The following GALNT9 variants were observed in gnomAD, a reference collection of about 807,000 sequenced individuals.
The protein encoded by GALNT9 is polypeptide N-acetylgalactosaminyltransferase 9.
A neutral mutation model predicts 63.1 loss-of-function variants in GALNT9; 47 were observed. The ratio of observed to expected loss-of-function variants is 0.75; its 90% CI spans 0.59 to 0.95. GALNT9 has a LOEUF of 0.95. GALNT9 is among the 40% of genes least tolerant of loss of function. The probability of loss-of-function intolerance (pLI) is 0.00; values close to 1 mark genes in which losing one functional copy is unlikely to be tolerated. For synonymous variants in GALNT9, 396 were observed against 365.7 expected (o/e 1.08, Z -0.94); for missense variants, 829 against 874.8 (o/e 0.95, Z 0.66).
At position 132,315,586 on chromosome 12, in the gene GALNT9, C is replaced by T. The variant is rs1258473379; in HGVS notation, c.238+13380G>A. Among the ~76,000 whole-genome samples the T allele has an allele frequency of 1.3e-5, 2 of 152,228 alleles. No homozygotes were observed. The highest frequency in any genetic ancestry group is 2.4e-5 in the African/African-American group (1 of 41,458). On this transcript the variant is annotated intron_variant, in intron 1 of 10. Transcript: ENST00000328957. This position sits in a 1 kb window ranked among gnomAD's most constrained non-coding sequence, Gnocchi z 6.1. ...TGTGGAAAGTAAAAATAGCCCCTTT[C>T]TGCCGTGGGATGTGGGCGAGGTTGC...
chr12:132,220,278 G>A (rs1877400057), intron 6 of GALNT9, among the ~76,000 whole-genome samples: 2 of 152,162 alleles, frequency 1.3e-5, no homozygotes, highest in Admixed American at 1.3e-4. Flanking sequence ...CAAAGCACCT[G>A]AGGAAATCCA....
intron 1 of GALNT9, among the ~76,000 whole-genome samples, chr12:132,314,858 T>G (rs1362099213): frequency 1.3e-5 from 2 of 152,210 alleles, no homozygotes; most frequent in Non-Finnish European, 2.9e-5. Context: ...CTAGCTTCCG[T>G]GCAGTGGAGT....
At position 132,315,676 on chromosome 12, in the gene GALNT9, G is replaced by A. The variant is rs781829848; in HGVS notation, c.238+13290C>T. 3.9e-5 allele frequency among the ~76,000 whole-genome samples: 6 copies of A among 152,188 alleles called. No individual in the cohort carries two copies. The highest frequency in any genetic ancestry group is 2.4e-5 in the African/African-American group (1 of 41,432). On this transcript the variant is annotated intron_variant, in intron 1 of 10. Coordinates refer to ENST00000328957, the MANE Select transcript of GALNT9 (RefSeq NM_001122636.2). This position sits in a 1 kb window ranked among gnomAD's most constrained non-coding sequence, Gnocchi z 6.1. ...CAGTCTCTGTGAAGGCCACCAGTTC[G>A]GATCCCAGTTCTGCCATTACCAGGC...
At chr12:132,259,978 G>A (rs983422331) in intron 4 of GALNT9, among the ~76,000 whole-genome samples, 2,332 of 134,596 alleles carry the variant, frequency 0.017, 133 homozygotes, top group African/African-American at 0.053. Context: ...CATTGTGGGC[G>A]CGGGGCCTGC....
intron 6 of GALNT9, among the ~76,000 whole-genome samples, chr12:132,239,300 A>G (rs1878123932): frequency 7.8e-6 from 1 of 128,372 alleles, no homozygotes; most frequent in African/African-American, 3.5e-5. Flanking sequence ...AGAGACAGAG[A>G]GAGACACACA....
rs782691774 is a variant in GALNT9 at position 132,286,619 on chromosome 12, G to A, written c.239-189C>T. Reference sequence around the variant, plus strand: ...TGCAAGGCTGTGCGCGGAGTGAGAGGGCGGTGCCAGGCGGAAGAGGGAGGG... The same window carrying A: ...TGCAAGGCTGTGCGCGGAGTGAGAGAGCGGTGCCAGGCGGAAGAGGGAGGG... On this transcript the variant is annotated intron_variant, in intron 1 of 10. Coordinates refer to ENST00000328957, the MANE Select transcript of GALNT9 (RefSeq NM_001122636.2). The surrounding 1 kb of genome is among the most constrained non-coding windows in gnomAD (Gnocchi z 7.4). The A allele has an allele frequency of 2.6e-5, 26 of 993,056 alleles. No individual in the cohort carries two copies. In the Middle Eastern group the frequency reaches 1.6e-3, roughly 63 times the overall value. 61.5% of individuals were successfully genotyped at this position (993,056 alleles called of 1,614,324 possible).
chr12:132,322,852 G>C (rs1213238460), intron 1 of GALNT9, among the ~76,000 whole-genome samples: 1 of 152,246 alleles, frequency 6.6e-6, no homozygotes, highest in Non-Finnish European at 1.5e-5. Context: ...GTGAATGGCA[G>C]CTAGAGGGGG....
At chr12:132,290,510 G>C (rs1308357047) in intron 1 of GALNT9, among the ~76,000 whole-genome samples, 2 of 152,132 alleles carry the variant, frequency 1.3e-5, no homozygotes, top group Non-Finnish European at 2.9e-5. Flanking sequence ...AGCAGAGGCA[G>C]AAACAGCCAC....
chr12:132,250,919 C>G (rs894984469), intron 5 of GALNT9, among the ~76,000 whole-genome samples: 2 of 152,218 alleles, frequency 1.3e-5, no homozygotes, highest in South Asian at 2.1e-4. Context: ...CGCCTGCACA[C>G]GTGCACAGGG....
At chr12:132,257,500 GCCCTCA>G in intron 5 of GALNT9, among the ~76,000 whole-genome samples, 183 bp downstream of exon 5, 9 of 18,692 alleles carry the variant, frequency 4.8e-4, no homozygotes, top group Non-Finnish European at 1.3e-3. Context: ...TCGTCCTCAT[GCCCTCA>G]TCCCCACGCC....
intron 6 of GALNT9, among the ~76,000 whole-genome samples, chr12:132,226,086 C>T (rs1285562637): frequency 2.1e-5 from 3 of 145,278 alleles, no homozygotes; most frequent in African/African-American, 7.7e-5. Context: ...CACACGCATA[C>T]ACCCCAAATA....
intron 6 of GALNT9, chr12:132,205,534 C>T (rs943253988): frequency 2.0e-5 from 3 of 152,346 alleles, no homozygotes; most frequent in African/African-American, 7.2e-5. Flanking sequence ...CGGGGACACC[C>T]CCGCCCCACA....
At chr12:132,203,132 C>T (rs537422325) in intron 7 of GALNT9, among the ~76,000 whole-genome samples, 3 of 152,270 alleles carry the variant, frequency 2.0e-5, no homozygotes, top group East Asian at 1.9e-4. Context: ...GGGAGGGGTC[C>T]GCACTGGCTG....
Position 132,229,256 on chromosome 12 carries a change from G to A in GALNT9, c.1077+18654C>T, listed in dbSNP as rs979404844. Among the ~76,000 whole-genome samples, 676 of 152,280 alleles carry A rather than the reference G, an allele frequency of 4.4e-3. 17 individuals are homozygous for A. In the East Asian group the frequency reaches 0.066, roughly 15 times the overall value. ...TTCTCCCCACTTAGGCCTCTCCACC[G>A]CAGGTGGAGCCCACGCCCCATCTCG... On this transcript the variant is annotated intron_variant, in intron 6 of 10. Coordinates refer to ENST00000328957, the MANE Select transcript of GALNT9 (RefSeq NM_001122636.2).
At chr12:132,228,200 CCTCCA>C (rs1877766530) in intron 6 of GALNT9, among the ~76,000 whole-genome samples, 1 of 152,022 alleles carries the variant, frequency 6.6e-6, no homozygotes, top group South Asian at 2.1e-4. Context: ...CTCCCTCTGC[CCTCCA>C]CTCATGCAGA....
At chr12:132,248,172 G>C in intron 5 of GALNT9, 145 bp from the exon 6 acceptor site, 1 of 1,291,016 alleles carries the variant, frequency 7.7e-7, no homozygotes, top group African/African-American at 1.5e-5. Flanking sequence ...CTGTGCTCAA[G>C]GTGAGGGGCC....
rs549122487 is a variant in GALNT9, at chr12:132,205,042, C to T, written c.1078-1352G>A. 7.2e-5 allele frequency among the ~76,000 whole-genome samples: 11 copies of T among 152,290 alleles called. No homozygotes were observed. In the East Asian group the frequency reaches 1.7e-3, roughly 24 times the overall value. Reference sequence around the variant, plus strand: ...CCGAGGGTGGTGCCAACTGCAGGGGCGCACGGGGTGGAGCCTCTGCCCAGC... The same window carrying T: ...CCGAGGGTGGTGCCAACTGCAGGGGTGCACGGGGTGGAGCCTCTGCCCAGC... On this transcript the variant is annotated intron_variant, in intron 6 of 10. Coordinates refer to ENST00000328957, the MANE Select transcript of GALNT9 (RefSeq NM_001122636.2).
At chr12:132,298,065 A>G (rs1881139805) in intron 1 of GALNT9, among the ~76,000 whole-genome samples, 1 of 151,996 alleles carries the variant, frequency 6.6e-6, no homozygotes, top group Non-Finnish European at 1.5e-5. Flanking sequence ...ATGATAACCA[A>G]CTCACTCCCA....
chr12:132,210,635 C>T (rs951655792), intron 6 of GALNT9, among the ~76,000 whole-genome samples: 7 of 152,184 alleles, frequency 4.6e-5, no homozygotes, highest in African/African-American at 1.7e-4. Context: ...GCCCGAGCCC[C>T]GTCCTCCTGG....
Sources: allele counts gnomAD v4.1 joint callset (sites outside exome capture counted in the v4.1 genomes callset), GRCh38; gene constraint gnomAD v4.1.1; non-coding constraint Gnocchi (gnomAD v3.1); transcripts MANE v1.5; gene names NCBI Gene and HGNC (gene_info 2026-07-23, HGNC 2026-07-21).